Variants in LRRTM4 observed in about 807,000 individuals in gnomAD.
LRRTM4 encodes the protein leucine rich repeat transmembrane neuronal 4.
A neutral mutation model predicts 47.6 loss-of-function variants in LRRTM4; 25 were observed. The ratio of observed to expected loss-of-function variants is 0.53; its 90% confidence interval spans 0.38 to 0.73. The LOEUF (loss-of-function observed/expected upper bound fraction) is 0.73, where lower values mean the gene tolerates loss of function less well. Among genes scored for constraint, LRRTM4 ranks in the 30% least tolerant of loss-of-function variants. The pLI, the probability that LRRTM4 is intolerant of heterozygous loss-of-function variation, is 0.00. For missense variants in LRRTM4, 638 were observed against 713.4 expected, an observed-to-expected ratio of 0.89 and a Z score of 1.20; for synonymous variants, 311 against 269.5, an observed-to-expected ratio of 1.15 and a Z score of -1.51.
intron 3 of LRRTM4, among the ~76,000 whole-genome samples, chr2:77,254,730 A>G (rs1270863509): frequency 6.6e-6 from 1 of 151,950 alleles, no homozygotes; most frequent in African/African-American, 2.4e-5. Context: ...TGTTGATAGC[A>G]GTAGACCTTA....
chr2:76,941,773 AC>A (rs1236665152), intron 3 of LRRTM4, among the ~76,000 whole-genome samples: 1 of 152,174 alleles, frequency 6.6e-6, no homozygotes, highest in Non-Finnish European at 1.5e-5. Flanking sequence ...CAATAAACAC[AC>A]GTGTGCATGT....
chr2:77,311,639 A>G (rs1007947485), intron 3 of LRRTM4, among the ~76,000 whole-genome samples: 5 of 152,204 alleles, frequency 3.3e-5, no homozygotes, highest in Admixed American at 2.6e-4. Context: ...TGAATTGGTT[A>G]AATAAATAGC....
At chr2:76,783,461 T>G (rs1239052174) in intron 3 of LRRTM4, among the ~76,000 whole-genome samples, 1 of 152,210 alleles carries the variant, frequency 6.6e-6, no homozygotes, top group East Asian at 1.9e-4. Flanking sequence ...TTTACATTGT[T>G]GTGCCACATC....
intron 3 of LRRTM4, among the ~76,000 whole-genome samples, chr2:77,414,435 C>A (rs1203756068): frequency 6.6e-6 from 1 of 152,126 alleles, no homozygotes; most frequent in African/African-American, 2.4e-5. Context: ...CTGCCCTCTC[C>A]CCAGACCTTG....
chr2:77,095,962 G>A (rs2103899414), intron 3 of LRRTM4, among the ~76,000 whole-genome samples: 1 of 152,098 alleles, frequency 6.6e-6, no homozygotes, highest in East Asian at 1.9e-4. Flanking sequence ...TGACTGCATG[G>A]TGACCAGAGT....
intron 3 of LRRTM4, among the ~76,000 whole-genome samples, chr2:77,375,658 T>C (rs1019289479): frequency 6.6e-6 from 1 of 151,810 alleles, no homozygotes; most frequent in African/African-American, 2.4e-5. Context: ...TTAACTATTA[T>C]AGAAAACTCA....
chr2:77,457,055 T>TATATAA (rs1676590665), intron 3 of LRRTM4, among the ~76,000 whole-genome samples: 2 of 118,810 alleles, frequency 1.7e-5, no homozygotes, highest in South Asian at 2.8e-4. Flanking sequence ...TATATATGTA[T>TATATAA]AACCTGGAAC....
At chr2:77,476,528 A>G (rs1677394229) in intron 3 of LRRTM4, among the ~76,000 whole-genome samples, 7 of 152,132 alleles carry the variant, frequency 4.6e-5, no homozygotes, top group Admixed American at 4.6e-4. Flanking sequence ...CAAAAGCACC[A>G]TTTAGAAAAT....
At chr2:77,141,969 C>A (rs980343269) in intron 3 of LRRTM4, among the ~76,000 whole-genome samples, 5 of 152,152 alleles carry the variant, frequency 3.3e-5, no homozygotes, top group African/African-American at 9.7e-5. Flanking sequence ...TGGCCTGTTG[C>A]ATTCATGACT....
At chr2:76,997,921 T>C (rs62171964) in intron 3 of LRRTM4, among the ~76,000 whole-genome samples, 2 of 151,542 alleles carry the variant, frequency 1.3e-5, no homozygotes, top group East Asian at 3.9e-4. Flanking sequence ...GGGATCTAGG[T>C]TGCACACTCC....
intron 3 of LRRTM4, among the ~76,000 whole-genome samples, chr2:77,308,823 A>C (rs73943847): frequency 1.3e-5 from 2 of 149,850 alleles, no homozygotes; most frequent in Non-Finnish European, 3.0e-5. Context: ...AGCAGCCTCT[A>C]TCCAATTATG....
intron 3 of LRRTM4, among the ~76,000 whole-genome samples, chr2:77,046,678 A>G (rs1308112428): frequency 6.6e-6 from 1 of 152,006 alleles, no homozygotes; most frequent in African/African-American, 2.4e-5. Flanking sequence ...GAAATAGTAG[A>G]AAAATAAGAT....
chr2:77,051,460 C>A (rs537091315), intron 3 of LRRTM4, among the ~76,000 whole-genome samples: 2 of 152,212 alleles, frequency 1.3e-5, no homozygotes, highest in African/African-American at 4.8e-5. Flanking sequence ...CTCTGGTCCA[C>A]AGAAGTTTGA....
chr2:76,755,567 C>A (rs1335405794), intron 3 of LRRTM4, among the ~76,000 whole-genome samples: 1 of 152,068 alleles, frequency 6.6e-6, no homozygotes, highest in Non-Finnish European at 1.5e-5. Context: ...TCGTTCGATG[C>A]AGCTATAGAA....
chr2:77,415,884 T>C (rs1674617268), intron 3 of LRRTM4, among the ~76,000 whole-genome samples: 1 of 152,118 alleles, frequency 6.6e-6, no homozygotes, highest in Non-Finnish European at 1.5e-5. Flanking sequence ...CATGCATAAA[T>C]AAATAAAACA....
intron 3 of LRRTM4, among the ~76,000 whole-genome samples, chr2:76,849,709 T>G (rs1671936591): frequency 6.6e-6 from 1 of 152,110 alleles, no homozygotes; most frequent in Admixed American, 6.6e-5. Context: ...AAAATTCCTT[T>G]AAAACAAATG....
chr2:77,197,753 C>T (rs536554168), intron 3 of LRRTM4, among the ~76,000 whole-genome samples: 115 of 152,244 alleles, frequency 7.6e-4, no homozygotes, highest in African/African-American at 2.7e-3. Flanking sequence ...ATGCCGTACC[C>T]TACTCTCCTC....
intron 3 of LRRTM4, among the ~76,000 whole-genome samples, chr2:77,148,730 A>G (rs1558605291): frequency 6.6e-6 from 1 of 152,190 alleles, no homozygotes; most frequent in Non-Finnish European, 1.5e-5. Context: ...AAGCAGTTTT[A>G]TTTGAGTAGT....
intron 3 of LRRTM4, among the ~76,000 whole-genome samples, chr2:76,749,730 T>C (rs1672782474): frequency 6.6e-6 from 1 of 152,210 alleles, no homozygotes; most frequent in African/African-American, 2.4e-5. Context: ...TGAATTTTGG[T>C]GGAGCTTTTA....
Sources: gnomAD v4.1 joint callset for allele counts (sites outside exome capture counted in the v4.1 genomes callset) on GRCh38, gnomAD v4.1.1 for gene constraint, MANE v1.5 for transcripts, NCBI Gene and HGNC (gene_info 2026-07-23, HGNC 2026-07-21) for gene names.